Variants in MTUS2 observed in about 807,000 individuals in gnomAD.
MTUS2 encodes the protein microtubule associated scaffold protein 2, also known as microtubule-associated tumor suppressor candidate 2.
MTUS2 carries 40 observed loss-of-function variants against 114.1 expected under a neutral mutation model. The observed-to-expected ratio is 0.35, with a 90% confidence interval of 0.27 to 0.46. The LOEUF is 0.46. MTUS2 is among the 20% of genes least tolerant of loss of function. MTUS2 has a pLI of 1.00. For missense variants in MTUS2, 1,679 were observed against 1,705.4 expected, an observed-to-expected ratio of 0.98 and a Z score of 0.27; for synonymous variants, 688 against 672.0, an observed-to-expected ratio of 1.02 and a Z score of -0.37.
chr13:29,440,769 G>C (rs1445777193), intron 9 of MTUS2, among the ~76,000 whole-genome samples: 1 of 152,090 alleles, frequency 6.6e-6, no homozygotes. Flanking sequence ...CCTCCATCTA[G>C]TGTGGTCCTG....
intron 9 of MTUS2, among the ~76,000 whole-genome samples, chr13:29,448,026 G>A (rs1251066798): frequency 3.9e-5 from 6 of 152,110 alleles, no homozygotes; most frequent in South Asian, 2.1e-4. Context: ...ATCTCCTTTC[G>A]AGATCATATG....
intron 9 of MTUS2, chr13:29,476,641 A>G (rs954719292): frequency 6.6e-6 from 1 of 152,168 alleles, no homozygotes; most frequent in Non-Finnish European, 1.5e-5. Flanking sequence ...CCGTTTTAGA[A>G]CATTTTCATC....
chr13:29,283,528 A>T (rs1898358323), intron 6 of MTUS2, among the ~76,000 whole-genome samples: 1 of 152,252 alleles, frequency 6.6e-6, no homozygotes, highest in Non-Finnish European at 1.5e-5. Context: ...ATGGTATGTT[A>T]AAACACGGTG....
chr13:29,466,825 T>A (rs1566217138), intron 9 of MTUS2, among the ~76,000 whole-genome samples: 5 of 145,798 alleles, frequency 3.4e-5, no homozygotes, highest in Admixed American at 1.4e-4. Flanking sequence ...TGCAGTGAGT[T>A]GAGATTGCAC....
intron 7 of MTUS2, among the ~76,000 whole-genome samples, chr13:29,349,669 A>G (rs1011431743): frequency 1.3e-5 from 2 of 151,984 alleles, no homozygotes; most frequent in Admixed American, 1.3e-4. Context: ...TTTTTCTTTA[A>G]GTACTTAAAG....
chr13:29,116,285 A>G (rs1891082222), intron 5 of MTUS2, among the ~76,000 whole-genome samples: 1 of 152,218 alleles, frequency 6.6e-6, no homozygotes, highest in Non-Finnish European at 1.5e-5. Context: ...TACCCTAAAT[A>G]TATGCAATAA....
chr13:29,017,130 C>T (rs2138443768), intron 2 of MTUS2, among the ~76,000 whole-genome samples: 1 of 152,302 alleles, frequency 6.6e-6, no homozygotes, highest in East Asian at 1.9e-4. Context: ...TACAATTATC[C>T]TATTAAATGT....
intron 8 of MTUS2, among the ~76,000 whole-genome samples, chr13:29,373,322 A>G (rs3121742): frequency 0.97 from 147,556 of 152,260 alleles, 71,675 homozygotes; most frequent in East Asian, 1. Flanking sequence ...TATTATCTCC[A>G]TGTACACATA....
At chr13:29,206,458 G>T (rs1174061094) in intron 5 of MTUS2, among the ~76,000 whole-genome samples, 1 of 152,082 alleles carries the variant, frequency 6.6e-6, no homozygotes, top group East Asian at 1.9e-4. Flanking sequence ...TTGCTTTTGG[G>T]TTCGTAGTCA....
At chr13:29,482,597 T>C (rs941169713) in intron 10 of MTUS2, among the ~76,000 whole-genome samples, 19 of 152,242 alleles carry the variant, frequency 1.2e-4, no homozygotes, top group Non-Finnish European at 2.9e-5. Context: ...CATGACAGGA[T>C]ACTGCAAGAG....
At chr13:29,045,262 T>A (rs1887562268) in intron 4 of MTUS2, among the ~76,000 whole-genome samples, 1 of 152,166 alleles carries the variant, frequency 6.6e-6, no homozygotes, top group Admixed American at 6.5e-5. Flanking sequence ...AAATCCAAGA[T>A]CAAGGTGCTG....
intron 5 of MTUS2, among the ~76,000 whole-genome samples, chr13:29,219,218 C>T (rs1291421316): frequency 2.0e-4 from 30 of 146,372 alleles, no homozygotes; most frequent in African/African-American, 5.9e-4. Context: ...TGAGAATATG[C>T]GGTGTTTGGT....
At chr13:28,947,927 GT>G (rs1335879524) in intron 2 of MTUS2, among the ~76,000 whole-genome samples, 1 of 152,154 alleles carries the variant, frequency 6.6e-6, no homozygotes, top group Non-Finnish European at 1.5e-5. Flanking sequence ...ATTTTTTGTG[GT>G]TGTCAATTTC....
chr13:28,855,408 G>A (rs1419165657), intron 2 of MTUS2, among the ~76,000 whole-genome samples: 2 of 151,966 alleles, frequency 1.3e-5, no homozygotes, highest in Non-Finnish European at 2.9e-5. Context: ...TTATCCTGAC[G>A]CTCTCCCTCC....
intron 9 of MTUS2, among the ~76,000 whole-genome samples, chr13:29,465,449 TG>T (rs1339648950): frequency 1.3e-5 from 2 of 152,200 alleles, no homozygotes; most frequent in African/African-American, 4.8e-5. Flanking sequence ...ACCGCAGCAC[TG>T]GGAGAAATGC....
At chr13:29,251,435 A>G (rs1388323013) in intron 5 of MTUS2, among the ~76,000 whole-genome samples, 3 of 152,192 alleles carry the variant, frequency 2.0e-5, no homozygotes, top group East Asian at 1.9e-4. Context: ...AACCTCAATT[A>G]CTTTCACACC....
chr13:29,472,698 G>A (rs1297485365), intron 9 of MTUS2, among the ~76,000 whole-genome samples: 2 of 152,200 alleles, frequency 1.3e-5, no homozygotes, highest in Non-Finnish European at 2.9e-5. Flanking sequence ...AATGATATAT[G>A]GGTGAACATG....
chr13:28,987,361 A>G (rs1166860804), intron 2 of MTUS2, among the ~76,000 whole-genome samples: 3 of 152,128 alleles, frequency 2.0e-5, no homozygotes, highest in Admixed American at 1.3e-4. Flanking sequence ...CAGTGGCACC[A>G]TGAGGTCATT....
intron 8 of MTUS2, among the ~76,000 whole-genome samples, chr13:29,407,484 T>G (rs1454881317): frequency 7.2e-6 from 1 of 138,294 alleles, no homozygotes. Flanking sequence ...ATTTATTTAT[T>G]TATTTATTTT....
Sources: gnomAD v4.1 joint callset for allele counts (sites outside exome capture counted in the v4.1 genomes callset) on GRCh38, gnomAD v4.1.1 for gene constraint, MANE v1.5 for transcripts, NCBI Gene and HGNC (gene_info 2026-07-23, HGNC 2026-07-21) for gene names.